BEAN1: variants seen among roughly 807,000 people sequenced by gnomAD.
BEAN1 encodes the protein protein BEAN1.
In BEAN1, 17 loss-of-function variants were observed where a neutral mutation model predicts 17.7. That is an observed-to-expected ratio of 0.96 (90% CI 0.66 to 1.44). The LOEUF is 1.44. BEAN1 is among the 40% of genes most tolerant of loss of function. The pLI is 0.00. For missense variants in BEAN1, 359 were observed against 374.1 expected (o/e 0.96, Z 0.33); for synonymous variants, 142 against 151.8 (o/e 0.94, Z 0.47).
chr16:66,454,725 C>CTTT (rs1247604358), intron 2 of BEAN1, among the ~76,000 whole-genome samples: 1 of 70,386 alleles, frequency 1.4e-5, no homozygotes, highest in African/African-American at 6.1e-5. Context: ...CCTTTTCTTT[C>CTTT]TTTCTTTTTT....
At chr16:66,489,590 T>C (rs1964136982) in intron 4 of BEAN1, among the ~76,000 whole-genome samples, 1 of 152,106 alleles carries the variant, frequency 6.6e-6, no homozygotes, top group Admixed American at 6.5e-5. Context: ...GGGTAGTGAC[T>C]ATCTGGAGCC....
intron 3 of BEAN1, among the ~76,000 whole-genome samples, chr16:66,476,830 T>C (rs1963767695): frequency 6.6e-6 from 1 of 152,150 alleles, no homozygotes; most frequent in South Asian, 2.1e-4. Flanking sequence ...GTTAAATGTG[T>C]TTTTTAGCTG....
intron 1 of BEAN1, among the ~76,000 whole-genome samples, chr16:66,437,234 AGTGGCTCATGATGCCATGGTCT>A (rs1272527060): frequency 2.0e-5 from 3 of 152,214 alleles, no homozygotes; most frequent in South Asian, 4.2e-4. Context: ...GATAGTTCCA[AGTGGCTCATGATGCCATGGTCT>A]GTTGAAGTTG....
chr16:66,434,031 A>G lies in BEAN1; in HGVS notation c.-82-3564A>G, dbSNP rs1961911875. 6.6e-6 allele frequency among the ~76,000 whole-genome samples: 1 copy of G among 152,224 alleles called. No individual in the cohort carries two copies. Among genetic ancestry groups the G allele is most frequent in the Non-Finnish European group, 1.5e-5 (1 of 68,028 alleles). ...AGTGGGAATGACGTGGACTTGCCAC[A>G]CACCATTCAGCCACTTCAAAGCCTG... is the stretch of plus-strand genomic sequence containing the variant. On this transcript the variant is annotated intron_variant, in intron 1 of 4. Coordinates refer to ENST00000536005, the MANE Select transcript of BEAN1 (RefSeq NM_001178020.3). The surrounding 1 kb of genome is among the most constrained non-coding windows in gnomAD (Gnocchi z 4.3).
rs1963979894 is a variant in BEAN1, at chr16:66,481,322, C to G, written c.*397C>G. ...GGGCCCGTTTGCCCCTACCCTCGCCCAGCAAGCTGCGCCCAAATTCTATTC... is the reference window on the plus strand; with the variant it reads ...GGGCCCGTTTGCCCCTACCCTCGCCGAGCAAGCTGCGCCCAAATTCTATTC... On this transcript the variant is annotated 3_prime_UTR_variant, in exon 5 of 5. Coordinates refer to ENST00000536005, the MANE Select transcript of BEAN1 (RefSeq NM_001178020.3). This position sits in a 1 kb window ranked among gnomAD's most constrained non-coding sequence, Gnocchi z 4.1. 2 of 399,356 alleles carry G rather than the reference C, an allele frequency of 5.0e-6. No individual in the cohort carries two copies. The highest frequency in any genetic ancestry group is 4.1e-5 in the African/African-American group (2 of 48,644). 24.7% of individuals were successfully genotyped at this position (399,356 alleles called of 1,614,324 possible). A position where few individuals can be genotyped will look rare whatever the true frequency, so the allele number is the denominator to read the frequency against.
At chr16:66,447,552 G>C (rs892636861) in intron 2 of BEAN1, among the ~76,000 whole-genome samples, 1 of 152,124 alleles carries the variant, frequency 6.6e-6, no homozygotes, top group Non-Finnish European at 1.5e-5. Flanking sequence ...CCCAGGGAGA[G>C]AACACATCTT....
intron 2 of BEAN1, among the ~76,000 whole-genome samples, chr16:66,442,416 G>A (rs937025475): frequency 6.6e-6 from 1 of 152,210 alleles, no homozygotes; most frequent in South Asian, 2.1e-4. Context: ...GGGTTTGGGG[G>A]CCCCAGAAGA....
intron 2 of BEAN1, among the ~76,000 whole-genome samples, chr16:66,466,312 A>C (rs907680750): frequency 3.9e-5 from 6 of 152,278 alleles, no homozygotes; most frequent in East Asian, 1.9e-4. Context: ...ACAACAACAA[A>C]AAACACACTT....
chr16:66,480,829 G>A lies in BEAN1; in HGVS notation c.684G>A (p.Leu228=), dbSNP rs1444101184. ...GCGGGGCTGGCCCCCCATCAGGCCT[G>A]CTGCCACTGCCGGGCCCAGACCCAG... ...AVCGAGPPSG[L]LPLPGPDPGP... The change falls in exon 5 of 5, where the codon CTG becomes CTA. Residue 228 remains leucine, a synonymous_variant. Transcript: ENST00000536005. The A allele has an allele frequency of 5.9e-6, 9 of 1,533,874 alleles. No homozygotes were observed. Among genetic ancestry groups the A allele is most frequent in the Non-Finnish European group, 7.9e-6 (9 of 1,136,640 alleles).
At chr16:66,489,418 T>G (rs188009076) in intron 4 of BEAN1, among the ~76,000 whole-genome samples, 1 of 152,290 alleles carries the variant, frequency 6.6e-6, no homozygotes, top group East Asian at 1.9e-4. Flanking sequence ...CTCTTAGCAT[T>G]CTCTCACATG....
At chr16:66,437,178 C>T (rs555771095) in intron 1 of BEAN1, among the ~76,000 whole-genome samples, 22 of 152,126 alleles carry the variant, frequency 1.4e-4, no homozygotes, top group Non-Finnish European at 3.1e-4. Flanking sequence ...GCTGTGAGAG[C>T]TTGAACTAGC....
chr16:66,452,508 A>G (rs748500672), intron 2 of BEAN1, among the ~76,000 whole-genome samples: 2 of 152,202 alleles, frequency 1.3e-5, no homozygotes, highest in Non-Finnish European at 2.9e-5. Context: ...TTGCTGTCCC[A>G]CCAGAAAGGC....
At chr16:66,437,949 C>T (rs1368387147) in intron 2 of BEAN1, 5 of 602,060 alleles carry the variant, frequency 8.3e-6, no homozygotes, top group African/African-American at 1.8e-5. Context: ...AAGTGTGGAT[C>T]GGAGTTCCTC....
intron 3 of BEAN1, 71 bp from the exon 4 acceptor site, chr16:66,477,489 G>C (rs1181129469): frequency 7.2e-7 from 1 of 1,382,060 alleles, no homozygotes; most frequent in Admixed American, 3.0e-5. Flanking sequence ...GCCCCAGGTA[G>C]ACCTACAGAC....
At chr16:66,461,854 C>T (rs906608269) in intron 2 of BEAN1, among the ~76,000 whole-genome samples, 7 of 152,114 alleles carry the variant, frequency 4.6e-5, no homozygotes, top group African/African-American at 1.7e-4. Context: ...CCAAGTCCTG[C>T]CCTGGGCTCT....
intron 2 of BEAN1, among the ~76,000 whole-genome samples, chr16:66,448,497 C>G (rs545210922): frequency 6.6e-6 from 1 of 152,172 alleles, no homozygotes; most frequent in Non-Finnish European, 1.5e-5. Flanking sequence ...AGTGCAAGCT[C>G]AAGGAATGTT....
At chr16:66,431,480 G>T (rs117548748) in intron 1 of BEAN1, among the ~76,000 whole-genome samples, 1 of 152,096 alleles carries the variant, frequency 6.6e-6, no homozygotes, top group African/African-American at 2.4e-5. Flanking sequence ...AATGTAAAAC[G>T]CATAAAAATC....
At chr16:66,465,558 T>C (rs965554087) in intron 2 of BEAN1, among the ~76,000 whole-genome samples, 1 of 152,228 alleles carries the variant, frequency 6.6e-6, no homozygotes, top group Non-Finnish European at 1.5e-5. Flanking sequence ...AGTTTGCTGG[T>C]ATTAAGTACA....
At chr16:66,441,686 G>A (rs572765763) in intron 2 of BEAN1, among the ~76,000 whole-genome samples, 2 of 152,278 alleles carry the variant, frequency 1.3e-5, no homozygotes, top group East Asian at 3.9e-4. Context: ...CGTGAGGTCT[G>A]GAGAAAGTGA....
Sources: gnomAD v4.1 joint callset for allele counts (sites outside exome capture counted in the v4.1 genomes callset) on GRCh38, gnomAD v4.1.1 for gene constraint, Gnocchi (gnomAD v3.1) non-coding constraint, MANE v1.5 for transcripts, NCBI Gene and HGNC (gene_info 2026-07-23, HGNC 2026-07-21) for gene names.